The following FAM227B variants were observed in gnomAD, a reference collection of about 807,000 sequenced individuals.
The protein encoded by FAM227B is protein FAM227B.
Under a neutral mutation model 73.8 loss-of-function variants are expected in FAM227B, and 88 were observed. The ratio of observed to expected loss-of-function variants is 1.19; its 90% CI spans 1.00 to 1.42. The LOEUF (loss-of-function observed/expected upper bound fraction) is 1.42. Among genes scored for constraint, FAM227B ranks in the 40% most tolerant of loss-of-function variants. The probability of loss-of-function intolerance (pLI) is 0.00; values close to 1 mark genes in which losing one functional copy is unlikely to be tolerated. For missense variants in FAM227B, 632 were observed against 590.9 expected, an observed-to-expected ratio of 1.07 and a Z score of -0.72; for synonymous variants, 210 against 190.5, an observed-to-expected ratio of 1.10 and a Z score of -0.84.
intron 11 of FAM227B, among the ~76,000 whole-genome samples, chr15:49,428,581 G>A (rs10519225): frequency 0.28 from 42,057 of 151,852 alleles, 7,131 homozygotes; most frequent in Non-Finnish European, 0.38. Context: ...TTTAAGCTGA[G>A]TATTGAGGTG....
intron 10 of FAM227B, among the ~76,000 whole-genome samples, chr15:49,537,003 A>G (rs375606887): frequency 2.0e-4 from 31 of 152,206 alleles, no homozygotes; most frequent in African/African-American, 6.7e-4. Flanking sequence ...TGACACTGAC[A>G]TATGTGATGA....
At chr15:49,618,551 C>T (rs1336262730) in intron 1 of FAM227B, among the ~76,000 whole-genome samples, 2 of 152,168 alleles carry the variant, frequency 1.3e-5, no homozygotes, top group African/African-American at 2.4e-5. Flanking sequence ...ATGACATTTA[C>T]CTAGACAGTA....
At chr15:49,396,771 C>A (rs2047694810) in intron 11 of FAM227B, among the ~76,000 whole-genome samples, 1 of 146,790 alleles carries the variant, frequency 6.8e-6, no homozygotes. Context: ...CTCCAACAGA[C>A]CTGCGGCTGA....
chr15:49,587,433 C>T (rs2076235481), intron 5 of FAM227B, among the ~76,000 whole-genome samples: 1 of 152,010 alleles, frequency 6.6e-6, no homozygotes, highest in Non-Finnish European at 1.5e-5. Flanking sequence ...ACCCGCATGT[C>T]ACAAGTTTAT....
chr15:49,526,169 T>G (rs528006340), intron 10 of FAM227B, among the ~76,000 whole-genome samples: 2 of 152,246 alleles, frequency 1.3e-5, no homozygotes, highest in East Asian at 3.9e-4. Flanking sequence ...CAAGTCTCAA[T>G]AAATTTCGAA....
chr15:49,613,995 A>G (rs2078125861), intron 2 of FAM227B, among the ~76,000 whole-genome samples: 1 of 152,336 alleles, frequency 6.6e-6, no homozygotes, highest in East Asian at 1.9e-4. Context: ...GCTAGAAGGA[A>G]CTCACAATAC....
intron 11 of FAM227B, among the ~76,000 whole-genome samples, chr15:49,478,941 A>G (rs2055623168): frequency 6.6e-6 from 1 of 152,240 alleles, no homozygotes. Flanking sequence ...ACCTAAAATT[A>G]TGAAAGATTT....
chr15:49,499,948 T>C (rs1253307491), intron 11 of FAM227B, among the ~76,000 whole-genome samples: 1 of 152,166 alleles, frequency 6.6e-6, no homozygotes, highest in Non-Finnish European at 1.5e-5. Flanking sequence ...TCACAAATAT[T>C]ATTAAATAGA....
At chr15:49,346,624 A>G (rs2041548526) in intron 13 of FAM227B, among the ~76,000 whole-genome samples, 1 of 152,156 alleles carries the variant, frequency 6.6e-6, no homozygotes, top group African/African-American at 2.4e-5. Context: ...ATGAAGCTTC[A>G]GGAGGCTTTG....
At chr15:49,494,874 A>T (rs1488490000) in intron 11 of FAM227B, among the ~76,000 whole-genome samples, 2 of 152,202 alleles carry the variant, frequency 1.3e-5, no homozygotes, top group East Asian at 3.8e-4. Flanking sequence ...AAACTAATGG[A>T]CAAACCAATT....
intron 11 of FAM227B, among the ~76,000 whole-genome samples, chr15:49,413,707 T>G (rs2049023240): frequency 6.6e-6 from 1 of 152,070 alleles, no homozygotes. Flanking sequence ...AAATCCAAAG[T>G]CTTTAATGTT....
chr15:49,372,305 T>G (rs2045900333), intron 11 of FAM227B, among the ~76,000 whole-genome samples: 1 of 151,526 alleles, frequency 6.6e-6, no homozygotes, highest in Admixed American at 6.6e-5. Context: ...TTTATTTACA[T>G]TATGTCATCC....
chr15:49,610,420 TAAA>T (rs72044107), intron 3 of FAM227B, among the ~76,000 whole-genome samples: 2,132 of 119,562 alleles, frequency 0.018, 65 homozygotes, highest in African/African-American at 0.062. Context: ...ACATTGAAAG[TAAA>T]AAAAAAAAAA....
At chr15:49,510,360 C>T (rs1366539378) in intron 10 of FAM227B, among the ~76,000 whole-genome samples, 4 of 152,008 alleles carry the variant, frequency 2.6e-5, no homozygotes, top group African/African-American at 9.7e-5. Flanking sequence ...AAAAATGAAT[C>T]TGCTATACTT....
chr15:49,437,645 A>G (rs2051229374), intron 11 of FAM227B, among the ~76,000 whole-genome samples: 1 of 151,644 alleles, frequency 6.6e-6, no homozygotes, highest in African/African-American at 2.4e-5. Flanking sequence ...AATATCTTAG[A>G]AGGTTTGTAT....
chr15:49,513,784 A>C (rs940681884), intron 10 of FAM227B, among the ~76,000 whole-genome samples: 1 of 152,166 alleles, frequency 6.6e-6, no homozygotes, highest in Non-Finnish European at 1.5e-5. Flanking sequence ...ATAAGGTATA[A>C]GGAAGGGGTC....
chr15:49,367,818 T>C (rs1437175154), intron 12 of FAM227B: 7 of 304,498 alleles, frequency 2.3e-5, no homozygotes, highest in Non-Finnish European at 4.1e-5. Context: ...TTTTGAGTTA[T>C]CATCAGACTT....
At chr15:49,581,553 T>C (rs1397189950) in intron 5 of FAM227B, among the ~76,000 whole-genome samples, 1 of 152,026 alleles carries the variant, frequency 6.6e-6, no homozygotes, top group Non-Finnish European at 1.5e-5. Flanking sequence ...CTTGAACTCA[T>C]GTGATCTACC....
chr15:49,510,001 A>C (rs2058865126), intron 10 of FAM227B, among the ~76,000 whole-genome samples: 2 of 152,120 alleles, frequency 1.3e-5, no homozygotes, highest in Admixed American at 1.3e-4. Flanking sequence ...ATAGTTCCTC[A>C]CACATCCCCA....
Sources: allele counts gnomAD v4.1 joint callset (sites outside exome capture counted in the v4.1 genomes callset), GRCh38; gene constraint gnomAD v4.1.1; transcripts MANE v1.5; gene names NCBI Gene and HGNC (gene_info 2026-07-23, HGNC 2026-07-21).